ZNF654: variants seen among roughly 807,000 people sequenced by gnomAD.
ZNF654 encodes the protein melanoma-associated antigen.
Under a neutral mutation model 95.3 loss-of-function variants are expected in ZNF654, and 19 were observed. That is an observed-to-expected ratio of 0.20 (90% CI 0.14 to 0.29). The LOEUF (loss-of-function observed/expected upper bound fraction) is 0.29, where lower values mean the gene tolerates loss of function less well. Ranked by LOEUF, ZNF654 falls within the 10% of genes least tolerant of loss-of-function variation. The pLI, the probability that ZNF654 is intolerant of heterozygous loss-of-function variation, is 1.00. For missense variants in ZNF654, 1,046 were observed against 1,341.0 expected, an observed-to-expected ratio of 0.78 and a Z score of 3.44; for synonymous variants, 413 against 457.9, an observed-to-expected ratio of 0.90 and a Z score of 1.25.
chr3:88,120,526 A>C (rs996973447), intron 3 of ZNF654, among the ~76,000 whole-genome samples: 3 of 152,178 alleles, frequency 2.0e-5, no homozygotes, highest in Non-Finnish European at 4.4e-5. Flanking sequence ...GAAGCAAATC[A>C]GGAGATGGTG....
At position 88,081,396 on chromosome 3, in the gene ZNF654, TCTC is replaced by T. The variant is rs373497891; in HGVS notation, c.187-4857_187-4855del. On this transcript the variant is annotated intron_variant, in intron 1 of 8. Coordinates refer to ENST00000636215, the MANE Select transcript of ZNF654 (RefSeq NM_001350134.2). ...ATACCTTGAGACTGCAAATCCTGCT[TCTC>T]CTCAAATTTTCACTCACTATTAGCA... 1.8e-3 allele frequency among the ~76,000 whole-genome samples: 281 copies of T among 152,274 alleles called. 1 individual carries two copies. Among genetic ancestry groups the T allele is most frequent in the African/African-American group, 6.3e-3 (262 of 41,562 alleles).
chr3:88,111,714 G>A (rs1158177923), intron 2 of ZNF654, among the ~76,000 whole-genome samples: 1 of 151,856 alleles, frequency 6.6e-6, no homozygotes, highest in East Asian at 1.9e-4. Flanking sequence ...TCTATAAGTA[G>A]AACTGCTAGG....
chr3:88,128,820 T>C lies in ZNF654; in HGVS notation c.562T>C (p.Leu188=). The C allele has an allele frequency of 6.5e-7, 1 of 1,534,092 alleles. No homozygotes were observed. The highest frequency in any genetic ancestry group is 8.7e-7 in the Non-Finnish European group (1 of 1,145,636). ...TCTTTTTAATATAGTGAACAAATAT[T>C]TAAGTTCTGAAAATCCACTGTTCTT... ...PASQEIVNKY[L]SSENPLFFEL... The change falls in exon 5 of 9, where the codon TTA becomes CTA. Residue 188 remains leucine (L), a synonymous_variant. Coordinates refer to ENST00000636215, the MANE Select transcript of ZNF654 (RefSeq NM_001350134.2).
chr3:88,136,259 C>T (rs1706777876), intron 7 of ZNF654, among the ~76,000 whole-genome samples: 1 of 152,088 alleles, frequency 6.6e-6, no homozygotes, highest in South Asian at 2.1e-4. Flanking sequence ...AGAAAGTTTA[C>T]AGTGTGAGGT....
At chr3:88,066,936 T>A (rs985741128) in intron 1 of ZNF654, among the ~76,000 whole-genome samples, 4 of 152,336 alleles carry the variant, frequency 2.6e-5, no homozygotes, top group African/African-American at 7.2e-5. Context: ...GTTAAAGATA[T>A]TAGGAGATGG....
At chr3:88,083,737 T>C (rs563407570) in intron 1 of ZNF654, among the ~76,000 whole-genome samples, 3 of 152,266 alleles carry the variant, frequency 2.0e-5, no homozygotes, top group South Asian at 2.1e-4. Flanking sequence ...ACTATTCTTA[T>C]TTGTTTTAGC....
chr3:88,070,002 A>G (rs928225691), intron 1 of ZNF654, among the ~76,000 whole-genome samples: 1 of 152,216 alleles, frequency 6.6e-6, no homozygotes, highest in Non-Finnish European at 1.5e-5. Flanking sequence ...TCATTTGACA[A>G]ATCTCTCAAA....
intron 1 of ZNF654, 117 bp downstream of exon 1, chr3:88,059,622 G>A: frequency 7.3e-7 from 1 of 1,375,548 alleles, no homozygotes; most frequent in Non-Finnish European, 9.4e-7. Flanking sequence ...CCCCAACAAG[G>A]AGGGTGAGGC....
Position 88,140,552 on chromosome 3 carries a change from T to G in ZNF654, c.2883T>G (p.Pro961=). 1.2e-6 allele frequency: 2 copies of G among 1,613,736 alleles called. No individual in the cohort carries two copies. Among genetic ancestry groups the G allele is most frequent in the East Asian group, 2.2e-5 (1 of 44,878 alleles). ...SNISLIDQKM[P]DIEPNSENNC... ...TAAGCTTGATAGACCAAAAGATGCC[T>G]GACATAGAGCCAAATTCTGAAAATA... is the stretch of plus-strand genomic sequence containing the variant. Residue 961 remains proline, a synonymous_variant, in exon 8 of 9, where the codon CCT becomes CCG. Transcript: ENST00000636215.
chr3:88,115,432 G>T (rs1367972708), intron 3 of ZNF654, among the ~76,000 whole-genome samples: 2 of 152,208 alleles, frequency 1.3e-5, no homozygotes, highest in Non-Finnish European at 2.9e-5. Flanking sequence ...TGGGTTAAAT[G>T]AGTAAAGTGC....
intron 1 of ZNF654, among the ~76,000 whole-genome samples, chr3:88,066,615 G>C (rs1303736651): frequency 6.6e-6 from 1 of 151,734 alleles, no homozygotes; most frequent in Non-Finnish European, 1.5e-5. Context: ...TAATTTTGTA[G>C]ATAAAATGGC....
intron 2 of ZNF654, among the ~76,000 whole-genome samples, chr3:88,109,142 AGT>A (rs35595112): frequency 0.049 from 7,006 of 142,448 alleles, 404 homozygotes; most frequent in African/African-American, 0.15. Flanking sequence ...AGTGGGCACT[AGT>A]GTGTGTGTGT....
Position 88,141,721 on chromosome 3 carries a change from A to C in ZNF654, c.*69A>C. 7.9e-7 allele frequency: 1 copy of C among 1,258,084 alleles called. No homozygotes were observed. Among genetic ancestry groups the C allele is most frequent in the Non-Finnish European group, 1.1e-6 (1 of 923,822 alleles). 77.9% of individuals were successfully genotyped at this position (1,258,084 alleles called of 1,614,324 possible). On this transcript the variant is annotated 3_prime_UTR_variant, in exon 9 of 9. Transcript: ENST00000636215. ...AAAAAGCACTATAAGAAAATGCATCATCAGTTTGCTATTTCCCTGATGGCC... is the reference window on the plus strand; with the variant it reads ...AAAAAGCACTATAAGAAAATGCATCCTCAGTTTGCTATTTCCCTGATGGCC...
At chr3:88,065,023 A>G (rs1559685442) in intron 1 of ZNF654, among the ~76,000 whole-genome samples, 3 of 152,262 alleles carry the variant, frequency 2.0e-5, no homozygotes, top group Non-Finnish European at 4.4e-5. Context: ...TGCATTGATA[A>G]TAATTTTTAA....
Position 88,139,504 on chromosome 3 carries a change from A to G in ZNF654, c.1835A>G (p.Glu612Gly). Residue 612 changes from glutamate to glycine, a missense_variant, in exon 8 of 9, where the codon GAA (glutamate) becomes GGA (glycine). By Grantham distance (98) the Glu-to-Gly change is moderately conservative. This residue lies in a region of ZNF654 where 495 missense variants were observed against 537.0 expected (regional missense o/e 0.92). Transcript: ENST00000636215. ...GCTGCAGCTCAACAGGATGATCAGG[A>G]AGTCACTGCTTTGGAAGAAATAAAT... ...QIAAAQQDDQ[E>G]VTALEEINCS... is the part of the protein sequence containing the mutation. 1.9e-6 allele frequency: 3 copies of G among 1,613,534 alleles called. No homozygotes were observed. The highest frequency in any genetic ancestry group is 2.5e-6 in the Non-Finnish European group (3 of 1,179,704).
rs2107917057 is a variant in ZNF654, at chr3:88,144,635, G to A, written c.*2983G>A. ...AATTTTTTGTACTGTACATAGATTT[G>A]TTCAATAAAACGTCCTTGTTGGTAA... On this transcript the variant is annotated 3_prime_UTR_variant, in exon 9 of 9. Coordinates refer to ENST00000636215, the MANE Select transcript of ZNF654 (RefSeq NM_001350134.2). 1 of 152,350 alleles carries A rather than the reference G, an allele frequency of 6.6e-6. No individual in the cohort carries two copies. Among genetic ancestry groups the A allele is most frequent in the Non-Finnish European group, 1.5e-5 (1 of 67,812 alleles). The allele number at this position is 152,350 out of a possible 1,614,324, so 9.4% of individuals were successfully genotyped here.
At chr3:88,109,664 G>A (rs769627420) in intron 2 of ZNF654, among the ~76,000 whole-genome samples, 32 of 152,114 alleles carry the variant, frequency 2.1e-4, no homozygotes, top group Non-Finnish European at 3.5e-4. Flanking sequence ...TTAAATCTGC[G>A]TTATTCAAGG....
rs149896493 is a variant in ZNF654, at chr3:88,099,707, A to G, written c.332+13305A>G. Reference sequence around the variant, plus strand: ...CCATCTGATTTTGACAATCCTGACAAAAACAAGAAATGGAGAAAGGATTCC... The same window carrying G: ...CCATCTGATTTTGACAATCCTGACAGAAACAAGAAATGGAGAAAGGATTCC... On this transcript the variant is annotated intron_variant, in intron 2 of 8. Coordinates refer to ENST00000636215, the MANE Select transcript of ZNF654 (RefSeq NM_001350134.2). 3.0e-3 allele frequency among the ~76,000 whole-genome samples: 462 copies of G among 152,368 alleles called. 3 individuals are homozygous for G. Among genetic ancestry groups the G allele is most frequent in the African/African-American group, 0.011 (444 of 41,582 alleles).
chr3:88,134,280 G>A (rs1431470303), intron 6 of ZNF654, among the ~76,000 whole-genome samples: 1 of 152,014 alleles, frequency 6.6e-6, no homozygotes, highest in East Asian at 1.9e-4. Context: ...TTTAATACCT[G>A]TATGTGCTGA....
Sources: gnomAD v4.1 joint callset for allele counts (sites outside exome capture counted in the v4.1 genomes callset) on GRCh38, gnomAD v4.1.1 for gene constraint, gnomAD v4.1.1 regional missense constraint, MANE v1.5 for transcripts, NCBI Gene and HGNC (gene_info 2026-07-23, HGNC 2026-07-21) for gene names.